KIAA1958: variants seen among roughly 807,000 people sequenced by gnomAD.
KIAA1958 encodes the protein uncharacterized protein KIAA1958.
KIAA1958 carries 14 observed loss-of-function variants against 47.2 expected under a neutral mutation model. The ratio of observed to expected loss-of-function variants is 0.30; its 90% CI spans 0.20 to 0.46. The LOEUF is 0.46. KIAA1958 is among the 20% of genes least tolerant of loss of function. The pLI is 1.00. For missense variants in KIAA1958, 803 were observed against 909.2 expected (o/e 0.88, Z 1.50); for synonymous variants, 354 against 353.3 (o/e 1.00, Z -0.02).
intron 2 of KIAA1958, among the ~76,000 whole-genome samples, chr9:112,623,386 A>G (rs763963934): frequency 1.3e-4 from 20 of 152,348 alleles, no homozygotes; most frequent in South Asian, 4.1e-4. Context: ...GTTAATATGT[A>G]AGAGCATCCG....
At chr9:112,538,977 A>G (rs775120863) in intron 1 of KIAA1958, among the ~76,000 whole-genome samples, 9 of 152,354 alleles carry the variant, frequency 5.9e-5, no homozygotes, top group Non-Finnish European at 1.3e-4. Flanking sequence ...GGGAAATGCA[A>G]ATCAAAACCA....
rs150210634 is a variant in KIAA1958, at chr9:112,491,083, A to G, written c.-25+3965A>G. On this transcript the variant is annotated intron_variant, in intron 1 of 3. Coordinates refer to ENST00000337530, the MANE Select transcript of KIAA1958 (RefSeq NM_133465.4). ...CCTGGGCCCAAAGGATCACATCTCA[A>G]CCTCCCAAGTAGCTGGGACTACAGG... Among the ~76,000 whole-genome samples, 499 of 152,074 alleles carry G rather than the reference A, an allele frequency of 3.3e-3. 4 individuals are homozygous for G. Among genetic ancestry groups the G allele is most frequent in the Middle Eastern group, 0.014 (4 of 294 alleles).
In KIAA1958 at chr9:112,531,378, A is replaced by G. The variant is rs148125209; in HGVS notation, c.-24-42679A>G. On this transcript the variant is annotated intron_variant, in intron 1 of 3. Coordinates refer to ENST00000337530, the MANE Select transcript of KIAA1958 (RefSeq NM_133465.4). ...ACTCCAGCCTGGGCAACAAGAGTAA[A>G]CTCCATCTCAAAAAAATAAAAAATA... Among the ~76,000 whole-genome samples the G allele has an allele frequency of 6.2e-4, 94 of 152,272 alleles. 2 individuals carry two copies. The East Asian group carries it at 0.017, about 27-fold the overall frequency.
At chr9:112,538,891 A>G (rs542815483) in intron 1 of KIAA1958, among the ~76,000 whole-genome samples, 6 of 152,206 alleles carry the variant, frequency 3.9e-5, no homozygotes, top group Non-Finnish European at 8.8e-5. Context: ...GATACTCAAC[A>G]AAAAGGCATT....
At chr9:112,493,319 T>G (rs1469138490) in intron 1 of KIAA1958, among the ~76,000 whole-genome samples, 1 of 152,200 alleles carries the variant, frequency 6.6e-6, no homozygotes, top group Non-Finnish European at 1.5e-5. Context: ...ACTGGATATA[T>G]TCACTTAATT....
intron 1 of KIAA1958, among the ~76,000 whole-genome samples, chr9:112,501,074 G>C (rs576744291): frequency 4.6e-5 from 7 of 151,982 alleles, no homozygotes; most frequent in Non-Finnish European, 8.8e-5. Flanking sequence ...GCAGTGAACT[G>C]TGATCATTCC....
intron 1 of KIAA1958, among the ~76,000 whole-genome samples, chr9:112,556,184 T>C (rs1835238508): frequency 6.6e-6 from 1 of 152,228 alleles, no homozygotes; most frequent in Non-Finnish European, 1.5e-5. Context: ...TTTAAAATAC[T>C]GCATGACATC....
At chr9:112,570,597 C>G (rs76465795) in intron 1 of KIAA1958, among the ~76,000 whole-genome samples, 2 of 152,164 alleles carry the variant, frequency 1.3e-5, no homozygotes, top group Non-Finnish European at 2.9e-5. Context: ...TATCACAGCC[C>G]TTTTGCAAGG....
At chr9:112,655,467 C>A (rs1378692451) in intron 3 of KIAA1958, among the ~76,000 whole-genome samples, 2 of 152,182 alleles carry the variant, frequency 1.3e-5, no homozygotes, top group Non-Finnish European at 2.9e-5. Flanking sequence ...AATAATCCCC[C>A]CTTGTTTTGA....
intron 2 of KIAA1958, among the ~76,000 whole-genome samples, chr9:112,625,115 T>C (rs1247923662): frequency 6.6e-6 from 1 of 152,080 alleles, no homozygotes; most frequent in East Asian, 1.9e-4. Context: ...GAAAATAAAA[T>C]TGGAAACATT....
At chr9:112,653,022 A>G (rs1837089002) in intron 3 of KIAA1958, among the ~76,000 whole-genome samples, 1 of 152,226 alleles carries the variant, frequency 6.6e-6, no homozygotes, top group Non-Finnish European at 1.5e-5. Flanking sequence ...GGGAGCTTTC[A>G]GTCCACTTCA....
intron 1 of KIAA1958, among the ~76,000 whole-genome samples, chr9:112,540,506 A>G (rs1834923176): frequency 6.6e-6 from 1 of 152,222 alleles, no homozygotes; most frequent in Non-Finnish European, 1.5e-5. Flanking sequence ...TTTGATAGTA[A>G]TAAAAAATCG....
intron 1 of KIAA1958, among the ~76,000 whole-genome samples, chr9:112,569,607 A>C (rs1313509997): frequency 7.1e-6 from 1 of 141,470 alleles, no homozygotes; most frequent in Non-Finnish European, 1.5e-5. Flanking sequence ...AACACTTTGA[A>C]ATTCCTTTTA....
At chr9:112,632,028 G>A (rs1238083076) in intron 2 of KIAA1958, among the ~76,000 whole-genome samples, 9 of 152,016 alleles carry the variant, frequency 5.9e-5, no homozygotes, top group Admixed American at 5.9e-4. Flanking sequence ...TAAATAAAAA[G>A]AACATTTTAT....
At chr9:112,535,730 A>G (rs1177589079) in intron 1 of KIAA1958, among the ~76,000 whole-genome samples, 1 of 152,144 alleles carries the variant, frequency 6.6e-6, no homozygotes, top group East Asian at 1.9e-4. Flanking sequence ...CCCACAACCT[A>G]AACAACACTT....
At chr9:112,568,494 A>C (rs572979902) in intron 1 of KIAA1958, among the ~76,000 whole-genome samples, 2 of 152,202 alleles carry the variant, frequency 1.3e-5, no homozygotes, top group Non-Finnish European at 2.9e-5. Flanking sequence ...CAAAAAGTAC[A>C]TAAAATAAAT....
chr9:112,651,959 T>C (rs1448711169), intron 3 of KIAA1958, among the ~76,000 whole-genome samples: 3 of 152,042 alleles, frequency 2.0e-5, no homozygotes, highest in Non-Finnish European at 4.4e-5. Flanking sequence ...AAATAAAAAA[T>C]ATGCTCAAGT....
At chr9:112,576,557 A>G (rs1235350223) in intron 2 of KIAA1958, among the ~76,000 whole-genome samples, 1 of 152,116 alleles carries the variant, frequency 6.6e-6, no homozygotes, top group Non-Finnish European at 1.5e-5. Flanking sequence ...CTTTCTGTCT[A>G]TGGATTTTCC....
chr9:112,626,222 A>G (rs150967156), intron 2 of KIAA1958, among the ~76,000 whole-genome samples: 4 of 152,332 alleles, frequency 2.6e-5, no homozygotes, highest in African/African-American at 9.6e-5. Context: ...AATGCAAATT[A>G]TTTGTATTTC....
Sources: allele counts gnomAD v4.1 joint callset (sites outside exome capture counted in the v4.1 genomes callset), GRCh38; gene constraint gnomAD v4.1.1; transcripts MANE v1.5; gene names NCBI Gene and HGNC (gene_info 2026-07-23, HGNC 2026-07-21).